The following SCAMP2 variants were observed in gnomAD, a reference collection of about 807,000 sequenced individuals.
SCAMP2 encodes secretory carrier membrane protein 2.
SCAMP2 carries 25 observed loss-of-function variants against 44.1 expected under a neutral mutation model. The observed-to-expected ratio is 0.57, with a 90% confidence interval of 0.41 to 0.79. The LOEUF (loss-of-function observed/expected upper bound fraction) is 0.79, where lower values mean the gene tolerates loss of function less well. Ranked by LOEUF, SCAMP2 falls within the 30% of genes least tolerant of loss-of-function variation. The probability of loss-of-function intolerance (pLI) is 0.00; values close to 1 mark genes in which losing one functional copy is unlikely to be tolerated. For synonymous variants in SCAMP2, 156 were observed against 166.0 expected, an observed-to-expected ratio of 0.94 and a Z score of 0.46; for missense variants, 355 against 411.0, an observed-to-expected ratio of 0.86 and a Z score of 1.18.
chr15:74,870,079 G>A (rs1319444994), intron 1 of SCAMP2, among the ~76,000 whole-genome samples: 1 of 152,176 alleles, frequency 6.6e-6, no homozygotes, highest in East Asian at 1.9e-4. Flanking sequence ...CCAGGATGAG[G>A]AGGAGCAAAT....
chr15:74,846,422 A>G (rs1160067355), intron 7 of SCAMP2, among the ~76,000 whole-genome samples: 3 of 147,302 alleles, frequency 2.0e-5, no homozygotes, highest in African/African-American at 5.0e-5. Flanking sequence ...CTCCAGCCTG[A>G]GCAACAGAGT....
chr15:74,846,721 C>T (rs866032435), intron 7 of SCAMP2, among the ~76,000 whole-genome samples: 1 of 152,076 alleles, frequency 6.6e-6, no homozygotes, highest in African/African-American at 2.4e-5. Flanking sequence ...GCAGAGATCG[C>T]GGCACTGCAC....
chr15:74,865,494 G>C lies in SCAMP2; in HGVS notation c.57+7705C>G, dbSNP rs565947551. 2.0e-5 allele frequency among the ~76,000 whole-genome samples: 3 copies of C among 152,036 alleles called. No homozygotes were observed. The South Asian group carries it at 6.2e-4, about 32-fold the overall frequency. Reference sequence around the variant, plus strand: ...GGGTGGGTGTGGTGGGGTAGGGAGAGGATCCGAGAAGATATTGAGTCAGGT... The same window carrying C: ...GGGTGGGTGTGGTGGGGTAGGGAGACGATCCGAGAAGATATTGAGTCAGGT... On this transcript the variant is annotated intron_variant, in intron 1 of 8. Coordinates refer to ENST00000268099, the MANE Select transcript of SCAMP2 (RefSeq NM_005697.5).
At chr15:74,854,154 G>A (rs2064453367) in intron 2 of SCAMP2, 35 bp from the exon 3 acceptor site, 3 of 1,554,366 alleles carry the variant, frequency 1.9e-6, no homozygotes, top group Non-Finnish European at 2.7e-6. Context: ...GAATTGAGTG[G>A]GACTCCATTA....
At chr15:74,848,365 A>AC (rs2064412861) in intron 7 of SCAMP2, 2 of 392,214 alleles carry the variant, frequency 5.1e-6, no homozygotes, top group Non-Finnish European at 9.1e-6. Context: ...ACTGCACCTG[A>AC]CCAATAGTGA....
At chr15:74,853,321 G>C (rs2064447161) in intron 3 of SCAMP2, 1 of 439,500 alleles carries the variant, frequency 2.3e-6, no homozygotes, top group African/African-American at 2.0e-5. Context: ...TGTGGGGCAG[G>C]CTCCGGGTGC....
intron 1 of SCAMP2, among the ~76,000 whole-genome samples, chr15:74,869,586 A>T (rs1341172074): frequency 6.6e-6 from 1 of 152,222 alleles, no homozygotes; most frequent in African/African-American, 2.4e-5. Context: ...GACCCAGGTC[A>T]GCACCTTCCT....
chr15:74,851,282 C>T, intron 5 of SCAMP2, 71 bp downstream of exon 5: 1 of 1,561,584 alleles, frequency 6.4e-7, no homozygotes, highest in East Asian at 2.3e-5. Flanking sequence ...GAGGAGCAGC[C>T]AGGACCAAGA....
At position 74,844,747 on chromosome 15, in the gene SCAMP2, C is replaced by T. The variant is rs1284935850; in HGVS notation, c.*336G>A. 2 of 209,452 alleles carry T rather than the reference C, an allele frequency of 9.5e-6. No homozygotes were observed. Among genetic ancestry groups the T allele is most frequent in the South Asian group, 9.3e-5 (1 of 10,754 alleles). The allele number at this position is 209,452 out of a possible 1,614,324, so 13.0% of individuals were successfully genotyped here. A position where few individuals can be genotyped will look rare whatever the true frequency, so the allele number is the denominator to read the frequency against. ...GGCAGAAAGCTCCAGCTGGGATGGG[C>T]CCAGGTCAGCCTGTGATCCCAACTG... On this transcript the variant is annotated 3_prime_UTR_variant, in exon 9 of 9. Coordinates refer to ENST00000268099, the MANE Select transcript of SCAMP2 (RefSeq NM_005697.5).
intron 1 of SCAMP2, among the ~76,000 whole-genome samples, chr15:74,862,290 T>TACAGAAA (rs1386055416): frequency 1.4e-5 from 1 of 73,996 alleles, no homozygotes; most frequent in Non-Finnish European, 2.5e-5. Flanking sequence ...AAAAAAAAAA[T>TACAGAAA]TCCTGGCCAG....
chr15:74,848,689 A>G lies in SCAMP2; in HGVS notation c.645T>C (p.Ser215=). 2 of 1,612,988 alleles carry G rather than the reference A, an allele frequency of 1.2e-6. No individual in the cohort carries two copies. The highest frequency in any genetic ancestry group is 1.7e-6 in the Non-Finnish European group (2 of 1,179,036). ...CAAAGAAGAACACAAAGAAGCTGAA[A>G]GAGTTGTCGGACCTGTGGAGAGAGA... is the stretch of plus-strand genomic sequence containing the variant. ...PIYKAFRSDN[S]FSFFVFFFVF... The change falls in exon 7 of 9, where the codon TCT becomes TCC. Residue 215 remains serine, a synonymous_variant. Transcript: ENST00000268099.
At position 74,854,003 on chromosome 15, in the gene SCAMP2, G is replaced by C; in HGVS notation, c.225+18C>G. On this transcript the variant is annotated intron_variant, in intron 3 of 8. Coordinates refer to ENST00000268099, the MANE Select transcript of SCAMP2 (RefSeq NM_005697.5). ...CCCTCACTGGAGAGAAAAGGCCAGA[G>C]TTCTTTGTCAGCACTACCTGGGGGG... is the stretch of plus-strand genomic sequence containing the variant. The C allele has an allele frequency of 6.2e-7, 1 of 1,603,974 alleles. No homozygotes were observed. Among genetic ancestry groups the C allele is most frequent in the South Asian group, 1.1e-5 (1 of 90,868 alleles).
At chr15:74,847,781 G>A (rs2064409428) in intron 7 of SCAMP2, among the ~76,000 whole-genome samples, 1 of 152,200 alleles carries the variant, frequency 6.6e-6, no homozygotes, top group Non-Finnish European at 1.5e-5. Flanking sequence ...TTGAGCTGAG[G>A]ACTGAGGTAC....
intron 5 of SCAMP2, 120 bp from the exon 6 acceptor site, chr15:74,850,793 G>T: frequency 9.8e-7 from 1 of 1,021,806 alleles, no homozygotes. Flanking sequence ...CTGAAACAGA[G>T]GAGCCCGCTC....
At chr15:74,865,074 CAAAAAA>C (rs36079981) in intron 1 of SCAMP2, among the ~76,000 whole-genome samples, 1 of 32,812 alleles carries the variant, frequency 3.0e-5, no homozygotes, top group Non-Finnish European at 5.3e-5. Context: ...GACTCTATCT[CAAAAAA>C]AAAAAAAAAA....
intron 8 of SCAMP2, 49 bp downstream of exon 8, chr15:74,845,423 CG>C: frequency 6.2e-7 from 1 of 1,613,282 alleles, no homozygotes; most frequent in Non-Finnish European, 8.5e-7. Context: ...GGGCAGGAAA[CG>C]GTTGCCTGCC....
chr15:74,854,780 G>C, intron 1 of SCAMP2, 131 bp from the exon 2 acceptor site: 1 of 741,452 alleles, frequency 1.3e-6, no homozygotes, highest in Non-Finnish European at 2.3e-6. Flanking sequence ...AGCCTCTCTG[G>C]AAGGGTCCTG....
chr15:74,847,759 T>C (rs2064409308), intron 7 of SCAMP2, among the ~76,000 whole-genome samples: 1 of 152,180 alleles, frequency 6.6e-6, no homozygotes, highest in South Asian at 2.1e-4. Context: ...AGCTTTTCTT[T>C]TGAGATTAAT....
chr15:74,869,695 G>A (rs2064563028), intron 1 of SCAMP2, among the ~76,000 whole-genome samples: 1 of 151,996 alleles, frequency 6.6e-6, no homozygotes, highest in Non-Finnish European at 1.5e-5. Context: ...TTCTAAGAAT[G>A]TTCTCAGCTC....
Sources: gnomAD v4.1 joint callset for allele counts (sites outside exome capture counted in the v4.1 genomes callset) on GRCh38, gnomAD v4.1.1 for gene constraint, MANE v1.5 for transcripts, NCBI Gene and HGNC (gene_info 2026-07-23, HGNC 2026-07-21) for gene names.